EYS: variants seen among roughly 807,000 people sequenced by gnomAD.
EYS encodes protein eyes shut homolog.
In EYS, 250 loss-of-function variants were observed where a neutral mutation model predicts 282.1. The observed-to-expected ratio is 0.89, with a 90% CI of 0.80 to 0.98. The LOEUF is 0.98. Ranked by LOEUF, EYS falls within the 50% of genes least tolerant of loss-of-function variation. The pLI, the probability that EYS is intolerant of heterozygous loss-of-function variation, is 0.00. For missense variants in EYS, 4,016 were observed against 3,709.0 expected (o/e 1.08, Z -2.15); for synonymous variants, 1,355 against 1,282.9 (o/e 1.06, Z -1.20).
At chr6:64,523,083 C>T (rs1777808345) in intron 26 of EYS, among the ~76,000 whole-genome samples, 1 of 151,094 alleles carries the variant, frequency 6.6e-6, no homozygotes, top group South Asian at 2.1e-4. Flanking sequence ...AAATCATTAA[C>T]AGTTTTAGCA....
At chr6:65,376,197 C>A (rs1582208036) in intron 8 of EYS, among the ~76,000 whole-genome samples, 1 of 152,244 alleles carries the variant, frequency 6.6e-6, no homozygotes, top group African/African-American at 2.4e-5. Context: ...ACCCTACAAG[C>A]CAGAAAAGAG....
chr6:64,254,734 C>A (rs144842698), intron 30 of EYS, among the ~76,000 whole-genome samples: 1 of 152,014 alleles, frequency 6.6e-6, no homozygotes, highest in Non-Finnish European at 1.5e-5. Flanking sequence ...ATTCTTGCCA[C>A]GTAGTAAATA....
At chr6:64,917,520 CAG>C (rs1768203802) in intron 15 of EYS, among the ~76,000 whole-genome samples, 1 of 151,888 alleles carries the variant, frequency 6.6e-6, no homozygotes, top group East Asian at 1.9e-4. Flanking sequence ...TAGAAGCAAA[CAG>C]TAAAATGTTG....
intron 2 of EYS, among the ~76,000 whole-genome samples, chr6:65,580,888 G>A (rs984347149): frequency 1.2e-4 from 18 of 152,110 alleles, no homozygotes; most frequent in African/African-American, 4.3e-4. Context: ...AGGTAAGCCT[G>A]AAATATAGAT....
At chr6:64,319,730 G>A (rs1255871426) in intron 29 of EYS, among the ~76,000 whole-genome samples, 6 of 151,458 alleles carry the variant, frequency 4.0e-5, no homozygotes, top group African/African-American at 1.2e-4. Flanking sequence ...TGGATGGATA[G>A]ACAGATAGAT....
intron 1 of EYS, among the ~76,000 whole-genome samples, chr6:65,664,655 C>G (rs1370259275): frequency 1.3e-5 from 2 of 152,104 alleles, no homozygotes; most frequent in Non-Finnish European, 2.9e-5. Context: ...TATGAAATTT[C>G]TCCACTTATA....
intron 22 of EYS, among the ~76,000 whole-genome samples, chr6:64,809,933 T>C (rs982663303): frequency 2.0e-5 from 3 of 152,068 alleles, no homozygotes; most frequent in Admixed American, 2.0e-4. Flanking sequence ...TTTACCCCTA[T>C]AACATACCTG....
At chr6:64,245,785 A>G (rs919173200) in intron 30 of EYS, among the ~76,000 whole-genome samples, 1 of 152,122 alleles carries the variant, frequency 6.6e-6, no homozygotes, top group Admixed American at 6.5e-5. Flanking sequence ...TGCTTTGTCC[A>G]TCTCTTGAGG....
intron 5 of EYS, among the ~76,000 whole-genome samples, chr6:65,438,426 C>A (rs556950669): frequency 2.6e-5 from 4 of 152,132 alleles, no homozygotes; most frequent in African/African-American, 9.7e-5. Flanking sequence ...CTTGAGGAAT[C>A]GCCATACTGT....
intron 19 of EYS, among the ~76,000 whole-genome samples, chr6:64,863,794 G>C (rs1181590873): frequency 6.6e-6 from 1 of 152,138 alleles, no homozygotes; most frequent in African/African-American, 2.4e-5. Context: ...TGTTGTCTAT[G>C]AAAGTGCAGG....
chr6:64,690,041 A>G (rs976652263), intron 22 of EYS, among the ~76,000 whole-genome samples: 3 of 151,984 alleles, frequency 2.0e-5, no homozygotes, highest in African/African-American at 7.2e-5. Flanking sequence ...TGAACAGGCA[A>G]CCTACAGAAT....
intron 22 of EYS, among the ~76,000 whole-genome samples, chr6:64,769,510 A>C (rs1773460730): frequency 6.6e-6 from 1 of 152,124 alleles, no homozygotes; most frequent in Non-Finnish European, 1.5e-5. Flanking sequence ...GCTCACGAGC[A>C]GTACAAAAAT....
rs902473777 is a variant in EYS at position 65,531,100 on chromosome 6, C to A, written c.-332-35107G>T. ...ACAATGGAAAGTGTGGATGACCTTA[C>A]TGAAATTTAATTATTCAGTGCTTTT... is the stretch of plus-strand genomic sequence containing the variant. On this transcript the variant is annotated intron_variant, in intron 2 of 42. Coordinates refer to ENST00000503581, the MANE Select transcript of EYS (RefSeq NM_001142800.2). 2.6e-5 allele frequency among the ~76,000 whole-genome samples: 4 copies of A among 152,018 alleles called. No individual in the cohort carries two copies. In the South Asian group the frequency reaches 8.3e-4, roughly 32 times the overall value.
intron 35 of EYS, among the ~76,000 whole-genome samples, chr6:63,894,839 G>A (rs748496345): frequency 2.6e-5 from 4 of 151,700 alleles, no homozygotes; most frequent in Non-Finnish European, 4.4e-5. Flanking sequence ...CGGCTGCCTC[G>A]GCCTCCCAAA....
At chr6:64,541,947 T>C (rs1045504592) in intron 26 of EYS, among the ~76,000 whole-genome samples, 1 of 152,188 alleles carries the variant, frequency 6.6e-6, no homozygotes, top group Non-Finnish European at 1.5e-5. Flanking sequence ...AAGAAAGACC[T>C]TTGCATTTAA....
chr6:65,614,275 C>A (rs1185036753), intron 2 of EYS, among the ~76,000 whole-genome samples: 1 of 151,986 alleles, frequency 6.6e-6, no homozygotes, highest in Non-Finnish European at 1.5e-5. Context: ...ATTACTCTTG[C>A]TACACTGTAC....
At chr6:65,579,780 T>C (rs1764808061) in intron 2 of EYS, among the ~76,000 whole-genome samples, 1 of 152,094 alleles carries the variant, frequency 6.6e-6, no homozygotes, top group South Asian at 2.1e-4. Context: ...ACACTAAGGG[T>C]AAATGTTGCA....
At chr6:65,049,009 C>CACATG (rs1773188905) in intron 13 of EYS, among the ~76,000 whole-genome samples, 1 of 151,704 alleles carries the variant, frequency 6.6e-6, no homozygotes, top group South Asian at 2.1e-4. Context: ...GAAAAGTAAC[C>CACATG]ACATGAGATG....
At chr6:63,962,334 G>A (rs1040213571) in intron 35 of EYS, among the ~76,000 whole-genome samples, 33 of 152,194 alleles carry the variant, frequency 2.2e-4, no homozygotes, top group African/African-American at 5.3e-4. Flanking sequence ...CCTGCAGAAC[G>A]GGAGAAAAAT....
Sources: gnomAD v4.1 joint callset for allele counts (sites outside exome capture counted in the v4.1 genomes callset) on GRCh38, gnomAD v4.1.1 for gene constraint, MANE v1.5 for transcripts, NCBI Gene and HGNC (gene_info 2026-07-23, HGNC 2026-07-21) for gene names.